The following SORCS3 variants were observed in gnomAD, a reference collection of about 807,000 sequenced individuals.
The protein encoded by SORCS3 is VPS10 domain-containing receptor SorCS3.
SORCS3 carries 57 observed loss-of-function variants against 146.3 expected under a neutral mutation model. The ratio of observed to expected loss-of-function variants is 0.39; its 90% CI spans 0.31 to 0.49. The LOEUF (loss-of-function observed/expected upper bound fraction) is 0.49. Among genes scored for constraint, SORCS3 ranks in the 20% least tolerant of loss-of-function variants. The pLI is 0.92. For missense variants in SORCS3, 1,341 were observed against 1,575.5 expected, an observed-to-expected ratio of 0.85 and a Z score of 2.52; for synonymous variants, 653 against 618.5, an observed-to-expected ratio of 1.06 and a Z score of -0.83.
At chr10:105,074,938 A>T (rs2133729142) in intron 5 of SORCS3, among the ~76,000 whole-genome samples, 1 of 152,340 alleles carries the variant, frequency 6.6e-6, no homozygotes, top group South Asian at 2.1e-4. Flanking sequence ...GGCAACATCC[A>T]TTAACTTGAT....
At chr10:105,256,028 C>T (rs1021355907) in intron 24 of SORCS3, among the ~76,000 whole-genome samples, 1 of 152,288 alleles carries the variant, frequency 6.6e-6, no homozygotes, top group Non-Finnish European at 1.5e-5. Flanking sequence ...AATCCCTAGA[C>T]GGTCTCGGAG....
intron 16 of SORCS3, 39 bp downstream of exon 16, chr10:105,201,292 T>C: frequency 6.3e-7 from 1 of 1,583,974 alleles, no homozygotes; most frequent in Non-Finnish European, 8.6e-7. Flanking sequence ...TCCAACCAGG[T>C]CTTCACCTGT....
intron 10 of SORCS3, among the ~76,000 whole-genome samples, chr10:105,158,153 A>G (rs2056228694): frequency 6.6e-6 from 1 of 152,026 alleles, no homozygotes; most frequent in African/African-American, 2.4e-5. Flanking sequence ...TGGTCACAGC[A>G]TGCATTTTTT....
intron 3 of SORCS3, among the ~76,000 whole-genome samples, chr10:104,974,353 G>T (rs1412329881): frequency 7.2e-5 from 11 of 152,066 alleles, no homozygotes; most frequent in Non-Finnish European, 4.4e-5. Context: ...GGTCACTCAG[G>T]ACTTGCTTTA....
chr10:105,242,677 T>TATTTATATACATTTATATAC (rs1391053034), intron 20 of SORCS3, among the ~76,000 whole-genome samples: 1 of 92,208 alleles, frequency 1.1e-5, no homozygotes, highest in Non-Finnish European at 1.9e-5. Context: ...TATTTATATA[T>TATTTATATACATTTATATAC]ATTTATATAC....
chr10:105,042,964 C>A, intron 4 of SORCS3, 91 bp from the exon 5 acceptor site: 1 of 1,082,022 alleles, frequency 9.2e-7, no homozygotes, highest in Non-Finnish European at 1.4e-6. Context: ...GTGTTGGGCA[C>A]TCTGGTGTTG....
intron 1 of SORCS3, among the ~76,000 whole-genome samples, chr10:104,824,828 G>A (rs1158129268): frequency 1.3e-5 from 2 of 152,170 alleles, no homozygotes; most frequent in Admixed American, 6.5e-5. Flanking sequence ...TTTAGCTCCT[G>A]AGACCCAAGA....
At chr10:105,009,523 CAAACAAAAAA>C (rs1425770663) in intron 4 of SORCS3, among the ~76,000 whole-genome samples, 7 of 49,000 alleles carry the variant, frequency 1.4e-4, no homozygotes, top group Non-Finnish European at 2.2e-4. Flanking sequence ...AACAAACAAA[CAAACAAAAAA>C]AAAAAAAAAA....
In SORCS3 at chr10:105,157,231, C is replaced by T; in HGVS notation, c.1576C>T (p.Leu526=). The T allele has an allele frequency of 3.7e-6, 6 of 1,614,090 alleles. No homozygotes were observed. The highest frequency in any genetic ancestry group is 5.1e-6 in the Non-Finnish European group (6 of 1,179,966). ...TTACAACAAAGGCAGGGATTGGCGC[C>T]TGCTGCAAGCTCCGGATGTGGACCT... is the stretch of plus-strand genomic sequence containing the variant. The part of the protein sequence containing the change: ...ITYNKGRDWR[L]LQAPDVDLRG... The change falls in exon 10 of 27, where the codon CTG becomes TTG. Residue 526 remains leucine (L), a synonymous_variant. Coordinates refer to ENST00000369701, the MANE Select transcript of SORCS3 (RefSeq NM_014978.3).
At chr10:105,000,336 A>ATG (rs60887637) in intron 4 of SORCS3, among the ~76,000 whole-genome samples, 11,494 of 149,394 alleles carry the variant, frequency 0.077, 1,204 homozygotes, top group African/African-American at 0.24. Flanking sequence ...ACGTGTGTTC[A>ATG]TGTGTGTGTG....
intron 1 of SORCS3, among the ~76,000 whole-genome samples, chr10:104,771,217 G>A (rs915118828): frequency 6.6e-6 from 1 of 152,348 alleles, no homozygotes; most frequent in Non-Finnish European, 1.5e-5. Context: ...TACTGAATCA[G>A]AATTTGCGTT....
chr10:104,770,838 A>T (rs555461313), intron 1 of SORCS3, among the ~76,000 whole-genome samples: 1 of 152,268 alleles, frequency 6.6e-6, no homozygotes, highest in African/African-American at 2.4e-5. Flanking sequence ...ATCTCAAAAA[A>T]ACAAAACAAA....
intron 1 of SORCS3, among the ~76,000 whole-genome samples, chr10:104,775,494 G>A (rs1237781072): frequency 2.0e-5 from 3 of 152,188 alleles, no homozygotes; most frequent in Non-Finnish European, 4.4e-5. Context: ...AGTACTGGCA[G>A]TAAGAAAATG....
At chr10:105,026,800 G>T (rs2133692622) in intron 4 of SORCS3, among the ~76,000 whole-genome samples, 1 of 152,222 alleles carries the variant, frequency 6.6e-6, no homozygotes, top group South Asian at 2.1e-4. Flanking sequence ...ACACAAAGAT[G>T]GGAACAATAT....
chr10:104,858,938 TAA>T (rs3976791), intron 2 of SORCS3, among the ~76,000 whole-genome samples: 1 of 138,556 alleles, frequency 7.2e-6, no homozygotes, highest in Non-Finnish European at 1.5e-5. Flanking sequence ...TGTACATTTA[TAA>T]AAAAAAAAAA....
intron 2 of SORCS3, among the ~76,000 whole-genome samples, chr10:104,887,436 A>G (rs950101371): frequency 6.6e-6 from 1 of 152,208 alleles, no homozygotes; most frequent in Admixed American, 6.5e-5. Flanking sequence ...GTGCATAAGA[A>G]TAACTAAAGA....
At chr10:105,219,501 A>T (rs2056686096) in intron 19 of SORCS3, among the ~76,000 whole-genome samples, 1 of 152,198 alleles carries the variant, frequency 6.6e-6, no homozygotes, top group South Asian at 2.1e-4. Flanking sequence ...CAGTTTAGGC[A>T]GAGTGAACCA....
intron 12 of SORCS3, among the ~76,000 whole-genome samples, chr10:105,166,564 G>C (rs1327953438): frequency 1.3e-5 from 2 of 152,128 alleles, no homozygotes; most frequent in East Asian, 3.9e-4. Flanking sequence ...TGGGTAGATG[G>C]AGGGATGGAT....
chr10:105,252,931 GACCCTTGCCTGCACCCTAC>G, intron 23 of SORCS3, 25 bp downstream of exon 23: 1 of 1,612,712 alleles, frequency 6.2e-7, no homozygotes, highest in Non-Finnish European at 8.5e-7. Flanking sequence ...ATCTGGCTGG[GACCCTTGCCTGCACCCTAC>G]ACCCTGAGAG....
Sources: gnomAD v4.1 joint callset for allele counts (sites outside exome capture counted in the v4.1 genomes callset) on GRCh38, gnomAD v4.1.1 for gene constraint, MANE v1.5 for transcripts, NCBI Gene and HGNC (gene_info 2026-07-23, HGNC 2026-07-21) for gene names.